Variants in FHIP2B observed in about 807,000 individuals in gnomAD.
The protein encoded by FHIP2B is FHF complex subunit HOOK interacting protein 2B, also known as FHF complex subunit HOOK-interacting protein 2B.
In FHIP2B, 72 loss-of-function variants were observed where a neutral mutation model predicts 84.0. The ratio of observed to expected loss-of-function variants is 0.86; its 90% CI spans 0.71 to 1.04. The LOEUF (loss-of-function observed/expected upper bound fraction) is 1.04. Ranked by LOEUF, FHIP2B falls within the 50% of genes least tolerant of loss-of-function variation. The pLI is 0.00. For synonymous variants in FHIP2B, 497 were observed against 418.7 expected (o/e 1.19, Z -2.28); for missense variants, 972 against 968.9 (o/e 1.00, Z -0.04).
At chr8:22,097,481 C>T (rs532778467) in intron 3 of FHIP2B, 35 bp from the exon 4 acceptor site, 2 of 1,552,294 alleles carry the variant, frequency 1.3e-6, no homozygotes, top group Non-Finnish European at 1.7e-6. Flanking sequence ...AGGCAGGGGA[C>T]ACGGCTCTGA....
At chr8:22,096,642 A>AGGTGGGC (rs1303520614) in intron 3 of FHIP2B, 133 bp downstream of exon 3, 9 of 1,314,058 alleles carry the variant, frequency 6.8e-6, no homozygotes, top group African/African-American at 6.1e-5. Flanking sequence ...GGCCAGGCTG[A>AGGTGGGC]GGTGGGCGGT....
At position 22,101,425 on chromosome 8, in the gene FHIP2B, G is replaced by T. The variant is rs1356420914; in HGVS notation, c.1617-15G>T. The T allele has an allele frequency of 5.0e-6, 8 of 1,597,644 alleles. No homozygotes were observed. In the African/African-American group the frequency reaches 1.1e-4, roughly 21 times the overall value. Reference sequence around the variant, plus strand: ...GTGAGCCGGGAGCGCCTCCACACCGGCTTCTATCTCTCAGTTTCCTGTGCC... The same window carrying T: ...GTGAGCCGGGAGCGCCTCCACACCGTCTTCTATCTCTCAGTTTCCTGTGCC... On this transcript the variant is annotated splice_polypyrimidine_tract_variant and intron_variant, in intron 12 of 16. Transcript: ENST00000289921.
chr8:22,094,591 T>C (rs1161272242), intron 2 of FHIP2B, 73 bp downstream of exon 2: 3 of 1,593,968 alleles, frequency 1.9e-6, no homozygotes, highest in Non-Finnish European at 8.5e-7. Flanking sequence ...AGTGTCACCA[T>C]TCAGGTGTCC....
Position 22,100,712 on chromosome 8 carries a change from C to T in FHIP2B, c.1460C>T (p.Pro487Leu). 6.2e-7 allele frequency: 1 copy of T among 1,604,454 alleles called. No individual in the cohort carries two copies. Among genetic ancestry groups the T allele is most frequent in the Non-Finnish European group, 8.5e-7 (1 of 1,174,314 alleles). The change falls in exon 11 of 17, where the codon CCA (proline) becomes CTA (leucine). Residue 487 changes from proline to leucine, a missense_variant. Coordinates refer to ENST00000289921, the MANE Select transcript of FHIP2B (RefSeq NM_022749.7). The part of the protein sequence containing the change: ...EGRPYVAWGS[P>L]EPESYEDTLD... Reference sequence around the variant, plus strand: ...CGCCCTTACGTGGCCTGGGGCTCACCAGAGCCTGAGAGCTATGAGGACACC... The same window carrying T: ...CGCCCTTACGTGGCCTGGGGCTCACTAGAGCCTGAGAGCTATGAGGACACC...
intron 1 of FHIP2B, chr8:22,089,814 G>A (rs1163127147): frequency 1.6e-6 from 2 of 1,286,332 alleles, no homozygotes; most frequent in Non-Finnish European, 2.0e-6. Flanking sequence ...ACCCCGGGAC[G>A]TGGGAAGTGC....
chr8:22,101,100 C>T lies in FHIP2B; in HGVS notation c.1616+128C>T, dbSNP rs1826087471. 36 of 1,262,726 alleles carry T rather than the reference C, an allele frequency of 2.9e-5. 2 individuals are homozygous for T. In the South Asian group the frequency reaches 5.2e-4, roughly 18 times the overall value. The allele number at this position is 1,262,726 out of a possible 1,614,324, so 78.2% of individuals were successfully genotyped here. ...GTACAATCTCGGCTCACTGCAACCT[C>T]CACCTCCCGGGTTCCGGATCCAAGC... On this transcript the variant is annotated intron_variant, in intron 12 of 16. Coordinates refer to ENST00000289921, the MANE Select transcript of FHIP2B (RefSeq NM_022749.7).
chr8:22,096,611 T>C (rs1461616421), intron 3 of FHIP2B, 102 bp downstream of exon 3: 1 of 1,391,044 alleles, frequency 7.2e-7, no homozygotes. Flanking sequence ...CAGGCCGAGG[T>C]GGGAGACCCT....
At position 22,102,626 on chromosome 8, in the gene FHIP2B, G is replaced by A. The variant is rs746281602; in HGVS notation, c.2091G>A (p.Glu697=). Residue 697 remains glutamate, a splice_region_variant and synonymous_variant, in exon 16 of 17, where the codon GAG becomes GAA. Transcript: ENST00000289921. ...RKQLTGQAPG[E]QLDHQTLLQG... is the part of the protein sequence containing the mutation. ...AGTTGACGGGCCAGGCTCCTGGGGA[G>A]CAGTGAGTACCAAGGGTGCCAGGTG... The A allele has an allele frequency of 2.6e-6, 4 of 1,562,926 alleles. No individual in the cohort carries two copies. The highest frequency in any genetic ancestry group is 2.4e-5 in the South Asian group (2 of 85,020).
chr8:22,097,242 G>A (rs531029123), intron 3 of FHIP2B, among the ~76,000 whole-genome samples: 7,665 of 152,230 alleles, frequency 0.05, 592 homozygotes, highest in African/African-American at 0.17. Flanking sequence ...ACTGAGGGAG[G>A]AGTTGAGCCT....
chr8:22,094,495 C>CGCACT lies in FHIP2B; in HGVS notation c.102_106dup (p.Tyr36CysfsTer23). On this transcript the variant is annotated frameshift_variant, in exon 2 of 17. Transcript: ENST00000289921. LOFTEE classifies it high-confidence loss of function. Reference sequence around the variant, plus strand: ...TTCGTGGAGCACTGGAAGGGCATCACGCACTACTACATCGAGAGCACAGGT... The same window carrying CGCACT: ...TTCGTGGAGCACTGGAAGGGCATCACGCACTGCACTACTACATCGAGAGCACAGGT... 6.2e-7 allele frequency: 1 copy of CGCACT among 1,611,572 alleles called. No homozygotes were observed. Among genetic ancestry groups the CGCACT allele is most frequent in the Non-Finnish European group, 8.5e-7 (1 of 1,178,958 alleles).
rs1375633066 is a variant in FHIP2B, at chr8:22,098,122, A to G, written c.580A>G (p.Lys194Glu). ...KACGEPTALP[K>E]DTTSHGDKDC... The stretch of plus-strand genomic sequence containing the variant: ...ATGCGGAGAACCCACTGCCCTGCCT[A>G]AGGACACAACCAGCCACGGGGACAA... The change falls in exon 6 of 17, where the codon AAG becomes GAG. Residue 194 changes from lysine (K) to glutamate (E), a missense_variant. By Grantham distance (56) the Lys-to-Glu change is moderately conservative. Transcript: ENST00000289921. 3 of 1,587,528 alleles carry G rather than the reference A, an allele frequency of 1.9e-6. No individual in the cohort carries two copies. The highest frequency in any genetic ancestry group is 2.6e-6 in the Non-Finnish European group (3 of 1,167,392).
rs1449583336 is a variant in FHIP2B at position 22,100,951 on chromosome 8, C to T, written c.1595C>T (p.Ala532Val). ...GCTACCAGTTACGATGGCAAAACAG[C>T]AGTGACCGAGATCGTCAACAGGTGG... ...APATSYDGKTAVTEIVNSFLC... is the reference protein window; with the variant it reads ...APATSYDGKTVVTEIVNSFLC... Residue 532 changes from alanine (A) to valine (V), a missense_variant, in exon 12 of 17, where the codon GCA (alanine) becomes GTA (valine). By Grantham distance (64) the Ala-to-Val change is moderately conservative. Coordinates refer to ENST00000289921, the MANE Select transcript of FHIP2B (RefSeq NM_022749.7). The T allele has an allele frequency of 1.2e-6, 2 of 1,613,858 alleles. No individual in the cohort carries two copies. The highest frequency in any genetic ancestry group is 1.7e-6 in the Non-Finnish European group (2 of 1,179,866).
intron 7 of FHIP2B, 65 bp from the exon 8 acceptor site, chr8:22,098,883 C>G: frequency 7.4e-7 from 1 of 1,349,388 alleles, no homozygotes; most frequent in Non-Finnish European, 1.0e-6. Context: ...AGTTTCAGGA[C>G]ACATTGAGGA....
chr8:22,092,735 A>G (rs1026190111), intron 1 of FHIP2B, among the ~76,000 whole-genome samples: 1 of 152,158 alleles, frequency 6.6e-6, no homozygotes, highest in Non-Finnish European at 1.5e-5. Context: ...TTCCTTCTGC[A>G]GGGACTGTCT....
rs774081925 is a variant in FHIP2B, at chr8:22,099,001, C to G, written c.1019C>G (p.Ala340Gly). The G allele has an allele frequency of 6.2e-6, 10 of 1,608,622 alleles. No homozygotes were observed. The African/African-American group carries it at 1.3e-4, about 21-fold the overall frequency. The change falls in exon 8 of 17, where the codon GCT becomes GGT. Residue 340 changes from alanine (A) to glycine (G), a missense_variant. By Grantham distance (60) the Ala-to-Gly change is moderately conservative. Transcript: ENST00000289921. ...EASFPGKEAL[A>G]AFLGWFDYCD... ...TCCTTCCCTGGCAAGGAGGCCTTGG[C>G]TGCCTTCTTGGGCTGGTTTGATTAC...
chr8:22,097,159 A>C, intron 3 of FHIP2B: 2 of 334,776 alleles, frequency 6.0e-6, no homozygotes, highest in Non-Finnish European at 1.1e-5. Context: ...AGGGGTTGTG[A>C]GTGCCAGGAA....
intron 6 of FHIP2B, 24 bp downstream of exon 6, chr8:22,098,334 G>A (rs776924995): frequency 7.1e-7 from 1 of 1,416,804 alleles, no homozygotes; most frequent in South Asian, 1.3e-5. Context: ...AGATGGAGAG[G>A]TTGGGGGTGG....
chr8:22,102,873 A>G lies in FHIP2B; in HGVS notation c.2174A>G (p.Lys725Arg). The G allele has an allele frequency of 1.2e-6, 2 of 1,613,698 alleles. No homozygotes were observed. Among genetic ancestry groups the G allele is most frequent in the African/African-American group, 1.3e-5 (1 of 75,004 alleles). The change falls in exon 17 of 17, where the codon AAG becomes AGG. Residue 725 changes from lysine (K) to arginine (R), a missense_variant. Coordinates refer to ENST00000289921, the MANE Select transcript of FHIP2B (RefSeq NM_022749.7). Reference sequence around the variant, plus strand: ...GAGCTGGCTGCCATTGCCTTCGTCAAGTTTCCCCCACATGATCCTCGCCAG... The same window carrying G: ...GAGCTGGCTGCCATTGCCTTCGTCAGGTTTCCCCCACATGATCCTCGCCAG... ...CKELAAIAFVKFPPHDPRQNV... is the reference protein window; with the variant it reads ...CKELAAIAFVRFPPHDPRQNV...
At chr8:22,097,154 T>A in intron 3 of FHIP2B, 1 of 315,492 alleles carries the variant, frequency 3.2e-6, no homozygotes, top group Non-Finnish European at 6.0e-6. Context: ...GGAAAAGGGG[T>A]TGTGAGTGCC....
Sources: gnomAD v4.1 joint callset for allele counts (sites outside exome capture counted in the v4.1 genomes callset) on GRCh38, gnomAD v4.1.1 for gene constraint, MANE v1.5 for transcripts, NCBI Gene and HGNC (gene_info 2026-07-23, HGNC 2026-07-21) for gene names.